Variants in RASGRF2 observed in about 807,000 individuals in gnomAD.
The protein encoded by RASGRF2 is Ras protein specific guanine nucleotide releasing factor 2.
RASGRF2 carries 76 observed loss-of-function variants against 151.0 expected under a neutral mutation model. The ratio of observed to expected loss-of-function variants is 0.50; its 90% confidence interval spans 0.42 to 0.61. RASGRF2 has a LOEUF of 0.61. Ranked by LOEUF, RASGRF2 falls within the 20% of genes least tolerant of loss-of-function variation. The probability of loss-of-function intolerance (pLI) is 0.00; values close to 1 mark genes in which losing one functional copy is unlikely to be tolerated. For missense variants in RASGRF2, 1,148 were observed against 1,564.6 expected, an observed-to-expected ratio of 0.73 and a Z score of 4.49; for synonymous variants, 504 against 566.5, an observed-to-expected ratio of 0.89 and a Z score of 1.57.
At chr5:80,982,123 C>G (rs373544310) in intron 1 of RASGRF2, among the ~76,000 whole-genome samples, 2 of 152,168 alleles carry the variant, frequency 1.3e-5, no homozygotes, top group African/African-American at 2.4e-5. Flanking sequence ...ACTCTGGTGG[C>G]TCTTAGGAGC....
At chr5:81,139,546 A>T (rs1753835051) in intron 17 of RASGRF2, among the ~76,000 whole-genome samples, 1 of 151,888 alleles carries the variant, frequency 6.6e-6, no homozygotes, top group Non-Finnish European at 1.5e-5. Flanking sequence ...TCGTATTTTT[A>T]GTAAAGACAG....
intron 12 of RASGRF2, chr5:81,095,948 T>C (rs559099384): frequency 6.6e-6 from 1 of 152,330 alleles, no homozygotes; most frequent in South Asian, 2.1e-4. Flanking sequence ...ACAATAGTAT[T>C]CTGAAGGTAA....
chr5:81,121,525 T>C (rs945789143), intron 15 of RASGRF2, among the ~76,000 whole-genome samples: 4 of 152,178 alleles, frequency 2.6e-5, no homozygotes, highest in Non-Finnish European at 4.4e-5. Flanking sequence ...CGTCAAACAA[T>C]GTGAGGAGAA....
intron 1 of RASGRF2, among the ~76,000 whole-genome samples, chr5:81,004,067 C>T (rs1749184345): frequency 6.6e-6 from 1 of 152,208 alleles, no homozygotes; most frequent in Non-Finnish European, 1.5e-5. Context: ...AGCAGGGTCC[C>T]TGCCCCAGAG....
intron 18 of RASGRF2, among the ~76,000 whole-genome samples, chr5:81,184,945 C>T (rs767452670): frequency 2.0e-5 from 3 of 152,222 alleles, no homozygotes; most frequent in East Asian, 1.9e-4. Context: ...GTGTGGCCGG[C>T]TGTTAAATCG....
At chr5:81,197,757 A>G (rs1404503649) in intron 18 of RASGRF2, among the ~76,000 whole-genome samples, 1 of 152,242 alleles carries the variant, frequency 6.6e-6, no homozygotes, top group Non-Finnish European at 1.5e-5. Flanking sequence ...TATAATAAGT[A>G]ACTTTATATG....
intron 17 of RASGRF2, among the ~76,000 whole-genome samples, chr5:81,176,717 C>G (rs1054848512): frequency 2.6e-5 from 4 of 152,256 alleles, no homozygotes; most frequent in South Asian, 4.1e-4. Flanking sequence ...TGTTGGGGTC[C>G]TCAGGGTCAT....
chr5:81,059,859 A>G (rs981037388), intron 2 of RASGRF2, among the ~76,000 whole-genome samples: 3 of 152,066 alleles, frequency 2.0e-5, no homozygotes, highest in African/African-American at 7.2e-5. Flanking sequence ...AAAAAACAAA[A>G]AACAAAAAAA....
At chr5:81,216,772 T>C (rs1323526252) in intron 24 of RASGRF2, among the ~76,000 whole-genome samples, 1 of 152,228 alleles carries the variant, frequency 6.6e-6, no homozygotes, top group Non-Finnish European at 1.5e-5. Flanking sequence ...CAAAAGCCCA[T>C]GTGCTTAGCC....
chr5:81,015,325 C>A (rs1371385611), intron 1 of RASGRF2, among the ~76,000 whole-genome samples: 1 of 151,978 alleles, frequency 6.6e-6, no homozygotes, highest in Non-Finnish European at 1.5e-5. Flanking sequence ...GGTTCTAGAT[C>A]CTTGAGGAAT....
chr5:81,093,893 G>T (rs1317195902), intron 10 of RASGRF2, among the ~76,000 whole-genome samples: 2 of 152,124 alleles, frequency 1.3e-5, no homozygotes, highest in African/African-American at 2.4e-5. Flanking sequence ...AGTTTGCCTA[G>T]ATAGGCAAAC....
intron 11 of RASGRF2, 45 bp downstream of exon 11, chr5:81,094,407 G>T: frequency 6.5e-7 from 1 of 1,532,822 alleles, no homozygotes; most frequent in South Asian, 1.2e-5. Context: ...AATTAGAGGC[G>T]GGAGAGAGAG....
At chr5:81,066,345 C>T (rs1479310213) in intron 2 of RASGRF2, among the ~76,000 whole-genome samples, 1 of 151,862 alleles carries the variant, frequency 6.6e-6, no homozygotes, top group African/African-American at 2.4e-5. Flanking sequence ...ACGCACGATA[C>T]AGGTGCTGAG....
chr5:81,124,621 T>C (rs191649393), intron 16 of RASGRF2, among the ~76,000 whole-genome samples: 2 of 152,324 alleles, frequency 1.3e-5, no homozygotes, highest in African/African-American at 4.8e-5. Flanking sequence ...TATTTTGATA[T>C]ATAGTTAAGA....
At chr5:81,115,847 A>C (rs777214638) in intron 15 of RASGRF2, among the ~76,000 whole-genome samples, 1 of 152,172 alleles carries the variant, frequency 6.6e-6, no homozygotes, top group Non-Finnish European at 1.5e-5. Context: ...GATAATACAG[A>C]CACAACATAA....
At chr5:81,150,643 C>A (rs186563398) in intron 17 of RASGRF2, among the ~76,000 whole-genome samples, 1 of 152,262 alleles carries the variant, frequency 6.6e-6, no homozygotes, top group African/African-American at 2.4e-5. Flanking sequence ...TGAACACACA[C>A]ACACACATAC....
In RASGRF2 at chr5:81,228,567, G is replaced by A. The variant is rs1756047681; in HGVS notation, c.*2797G>A. 6.6e-6 allele frequency: 1 copy of A among 152,188 alleles called. No individual in the cohort carries two copies. The highest frequency in any genetic ancestry group is 1.9e-4 in the East Asian group (1 of 5,204). The allele number at this position is 152,188 out of a possible 1,614,324, so 9.4% of individuals were successfully genotyped here. A position where few individuals can be genotyped will look rare whatever the true frequency, so the allele number is the denominator to read the frequency against. On this transcript the variant is annotated 3_prime_UTR_variant, in exon 27 of 27. Transcript: ENST00000265080. Reference sequence around the variant, plus strand: ...CCTCTAACAGCCAAGTAGCGAACATGTATACTGTAAAATTAACCTAGAAAA... The same window carrying A: ...CCTCTAACAGCCAAGTAGCGAACATATATACTGTAAAATTAACCTAGAAAA...
At chr5:81,177,899 A>G (rs1754812175) in intron 17 of RASGRF2, among the ~76,000 whole-genome samples, 1 of 152,220 alleles carries the variant, frequency 6.6e-6, no homozygotes, top group Non-Finnish European at 1.5e-5. Flanking sequence ...GTGTGGTGAA[A>G]TGGAAGAAGG....
chr5:81,053,701 A>G (rs554687693), intron 2 of RASGRF2, among the ~76,000 whole-genome samples: 1 of 152,314 alleles, frequency 6.6e-6, no homozygotes, highest in East Asian at 1.9e-4. Flanking sequence ...GAATCGCCAC[A>G]CTGTCTTCCA....
Sources: allele counts gnomAD v4.1 joint callset (sites outside exome capture counted in the v4.1 genomes callset), GRCh38; gene constraint gnomAD v4.1.1; transcripts MANE v1.5; gene names NCBI Gene and HGNC (gene_info 2026-07-23, HGNC 2026-07-21).